Variants in IVNS1ABP observed in about 807,000 individuals in gnomAD.
The protein encoded by IVNS1ABP is influenza virus NS1A-binding protein.
IVNS1ABP carries 25 observed loss-of-function variants against 78.9 expected under a neutral mutation model. The ratio of observed to expected loss-of-function variants is 0.32; its 90% CI spans 0.23 to 0.44. The LOEUF (loss-of-function observed/expected upper bound fraction) is 0.44, where lower values mean the gene tolerates loss of function less well. Among genes scored for constraint, IVNS1ABP ranks in the 20% least tolerant of loss-of-function variants. The pLI is 1.00. For missense variants in IVNS1ABP, 494 were observed against 768.9 expected (o/e 0.64, Z 4.23); for synonymous variants, 241 against 259.7 (o/e 0.93, Z 0.69).
chr1:185,313,088 A>G (rs1421807581), intron 1 of IVNS1ABP, among the ~76,000 whole-genome samples: 1 of 152,226 alleles, frequency 6.6e-6, no homozygotes, highest in Non-Finnish European at 1.5e-5. Flanking sequence ...TAAAAATGGT[A>G]TCCACTTACT....
intron 1 of IVNS1ABP, among the ~76,000 whole-genome samples, chr1:185,311,568 T>C (rs960246105): frequency 6.7e-6 from 1 of 150,256 alleles, no homozygotes; most frequent in Non-Finnish European, 1.5e-5. Context: ...CAGGGGCTAA[T>C]GACCTATGTT....
intron 9 of IVNS1ABP, 106 bp from the exon 10 acceptor site, chr1:185,301,302 G>T: frequency 1.4e-6 from 2 of 1,412,396 alleles, no homozygotes; most frequent in Non-Finnish European, 2.0e-6. Flanking sequence ...GGAACAATCT[G>T]CTCTCGTTTT....
intron 7 of IVNS1ABP, 76 bp downstream of exon 7, chr1:185,306,938 A>C (rs1286996649): frequency 6.6e-7 from 1 of 1,504,332 alleles, no homozygotes; most frequent in Non-Finnish European, 9.2e-7. Context: ...TATAAAATAA[A>C]AGTGAAAGGG....
In IVNS1ABP at chr1:185,298,333, A is replaced by G. The variant is rs1273008942; in HGVS notation, c.1676-45T>C. 6.4e-7 allele frequency: 1 copy of G among 1,570,658 alleles called. No individual in the cohort carries two copies. Among genetic ancestry groups the G allele is most frequent in the African/African-American group, 1.4e-5 (1 of 73,864 alleles). On this transcript the variant is annotated intron_variant, in intron 14 of 14. Coordinates refer to ENST00000367498, the MANE Select transcript of IVNS1ABP (RefSeq NM_006469.5). The surrounding 1 kb of genome is among the most constrained non-coding windows in gnomAD (Gnocchi z 4.1). ...GGGTAAATCCAGAGATTAAAGTGTA[A>G]TAAGGTAAAACTCCCCTAAATCTGT...
intron 5 of IVNS1ABP, chr1:185,308,100 G>C (rs1253865361): frequency 6.8e-7 from 1 of 1,480,254 alleles, no homozygotes; most frequent in African/African-American, 1.4e-5. Flanking sequence ...GGAAAATCTA[G>C]AAACTAAATG....
chr1:185,307,960 C>G, intron 5 of IVNS1ABP: 2 of 1,548,374 alleles, frequency 1.3e-6, no homozygotes, highest in Non-Finnish European at 1.7e-6. Flanking sequence ...AGTATCTGAA[C>G]TGGGCTCTAC....
At position 185,315,891 on chromosome 1, in the gene IVNS1ABP, G is replaced by A. The variant is rs1373992902; in HGVS notation, c.-247+1062C>T. On this transcript the variant is annotated intron_variant, in intron 1 of 14. Transcript: ENST00000367498. ...TCAACGAACAGCTTGATGCCAAGGT[G>A]TTCTAACGCTCCATCACTGCACGCT... Among the ~76,000 whole-genome samples the A allele has an allele frequency of 2.0e-5, 3 of 152,146 alleles. No homozygotes were observed. The East Asian group carries it at 5.8e-4, about 29-fold the overall frequency.
At chr1:185,307,871 G>A in intron 5 of IVNS1ABP, 1 of 1,440,446 alleles carries the variant, frequency 6.9e-7, no homozygotes, top group South Asian at 1.4e-5. Flanking sequence ...TTTAAGGAGA[G>A]GTACAACAAA....
intron 1 of IVNS1ABP, among the ~76,000 whole-genome samples, chr1:185,315,811 T>C (rs1169043568): frequency 6.6e-6 from 1 of 152,064 alleles, no homozygotes; most frequent in African/African-American, 2.4e-5. Flanking sequence ...CTGTTAAGAG[T>C]GGTACTAGGC....
chr1:185,310,401 A>T (rs544953444), intron 2 of IVNS1ABP, among the ~76,000 whole-genome samples: 8 of 152,260 alleles, frequency 5.3e-5, no homozygotes, highest in African/African-American at 1.9e-4. Context: ...TGAGGTCAGG[A>T]GTTCAAGACC....
rs1258827783 is a variant in IVNS1ABP, at chr1:185,296,936, T to C, written c.*1099A>G. On this transcript the variant is annotated 3_prime_UTR_variant, in exon 15 of 15. Coordinates refer to ENST00000367498, the MANE Select transcript of IVNS1ABP (RefSeq NM_006469.5). ...TCCTGCAAAGTACCTTTAATGTGTTTAAATCAGCAGCAAGCATTAGGACAT... is the reference window on the plus strand; with the variant it reads ...TCCTGCAAAGTACCTTTAATGTGTTCAAATCAGCAGCAAGCATTAGGACAT... 1 of 152,148 alleles carries C rather than the reference T, an allele frequency of 6.6e-6. No individual in the cohort carries two copies. Among genetic ancestry groups the C allele is most frequent in the East Asian group, 1.9e-4 (1 of 5,186 alleles). 9.4% of individuals were successfully genotyped at this position (152,148 alleles called of 1,614,324 possible).
At position 185,317,192 on chromosome 1, in the gene IVNS1ABP, CTG is replaced by C. The variant is rs1666062875; in HGVS notation, c.-488_-487del. On this transcript the variant is annotated 5_prime_UTR_variant, in exon 1 of 15. Coordinates refer to ENST00000367498, the MANE Select transcript of IVNS1ABP (RefSeq NM_006469.5). ...CGCGCCGAAGCAGCAGGCGGAGAAA[CTG>C]CGCCCAGCAGCTCTGAGCGACCGAC... is the stretch of plus-strand genomic sequence containing the variant. 2.5e-6 allele frequency: 1 copy of C among 398,292 alleles called. No individual in the cohort carries two copies. Among genetic ancestry groups the C allele is most frequent in the East Asian group, 3.6e-5 (1 of 28,058 alleles). The allele number at this position is 398,292 out of a possible 1,614,324, so 24.7% of individuals were successfully genotyped here. A position where few individuals can be genotyped will look rare whatever the true frequency, so the allele number is the denominator to read the frequency against.
rs367804715 is a variant in IVNS1ABP, at chr1:185,297,423, C to T, written c.*612G>A. 33 of 152,476 alleles carry T rather than the reference C, an allele frequency of 2.2e-4. No homozygotes were observed. The highest frequency in any genetic ancestry group is 7.0e-4 in the African/African-American group (29 of 41,568). 9.4% of individuals were successfully genotyped at this position (152,476 alleles called of 1,614,324 possible). On this transcript the variant is annotated 3_prime_UTR_variant, in exon 15 of 15. Transcript: ENST00000367498. The stretch of plus-strand genomic sequence containing the variant: ...AGACCCCTACTCTGCAAACTGAAGA[C>T]TGCCACTCTGCTTCAATAACTCCAG...
chr1:185,300,142 T>C lies in IVNS1ABP; in HGVS notation c.1370-12A>G, dbSNP rs774513637. 1.9e-6 allele frequency: 3 copies of C among 1,610,234 alleles called. No individual in the cohort carries two copies. Among genetic ancestry groups the C allele is most frequent in the Non-Finnish European group, 2.5e-6 (3 of 1,178,032 alleles). On this transcript the variant is annotated splice_polypyrimidine_tract_variant and intron_variant, in intron 12 of 14. Coordinates refer to ENST00000367498, the MANE Select transcript of IVNS1ABP (RefSeq NM_006469.5). ...CAGAGCACACACTCCTATGTAAGTATAAAATAAAGTTACATATTGATAATT... is the reference window on the plus strand; with the variant it reads ...CAGAGCACACACTCCTATGTAAGTACAAAATAAAGTTACATATTGATAATT...
chr1:185,307,399 A>T (rs1484342744), intron 6 of IVNS1ABP, 90 bp downstream of exon 6: 1 of 1,033,324 alleles, frequency 9.7e-7, no homozygotes, highest in Non-Finnish European at 1.4e-6. Context: ...GTATTATTTC[A>T]TAATCATTAC....
intron 8 of IVNS1ABP, 40 bp from the exon 9 acceptor site, chr1:185,301,603 A>G: frequency 6.2e-7 from 1 of 1,610,350 alleles, no homozygotes; most frequent in East Asian, 2.2e-5. Context: ...CTAGCCAAAG[A>G]CCACATCTGA....
At chr1:185,307,182 C>G (rs745386333) in intron 6 of IVNS1ABP, 43 bp from the exon 7 acceptor site, 4 of 1,600,818 alleles carry the variant, frequency 2.5e-6, no homozygotes, top group Non-Finnish European at 3.4e-6. Context: ...TGTTGGGCTC[C>G]TAGTTCTCAG....
intron 5 of IVNS1ABP, 68 bp downstream of exon 5, chr1:185,308,732 C>A: frequency 1.7e-6 from 2 of 1,158,032 alleles, no homozygotes; most frequent in South Asian, 2.6e-5. Context: ...TGTTTTATGA[C>A]AAATTCAGCA....
chr1:185,305,755 T>C lies in IVNS1ABP; in HGVS notation c.658-112A>G, dbSNP rs1205920523. ...ACCTCCAGTGTGCTTCTTGAGCTTC[T>C]TGACATATTACTCTGGCAGGATCCG... On this transcript the variant is annotated intron_variant, in intron 7 of 14. Coordinates refer to ENST00000367498, the MANE Select transcript of IVNS1ABP (RefSeq NM_006469.5). This position sits in a 1 kb window ranked among gnomAD's most constrained non-coding sequence, Gnocchi z 4.0. The C allele has an allele frequency of 1.7e-6, 2 of 1,154,574 alleles. No homozygotes were observed. The highest frequency in any genetic ancestry group is 3.1e-5 in the African/African-American group (2 of 64,158). 71.5% of individuals were successfully genotyped at this position (1,154,574 alleles called of 1,614,324 possible). A position where few individuals can be genotyped will look rare whatever the true frequency, so the allele number is the denominator to read the frequency against.
Sources: allele counts gnomAD v4.1 joint callset (sites outside exome capture counted in the v4.1 genomes callset), GRCh38; gene constraint gnomAD v4.1.1; non-coding constraint Gnocchi (gnomAD v3.1); transcripts MANE v1.5; gene names NCBI Gene and HGNC (gene_info 2026-07-23, HGNC 2026-07-21).